Variants in RXRA observed in about 807,000 individuals in gnomAD.
The protein encoded by RXRA is retinoic acid receptor RXR-alpha.
Under a neutral mutation model 44.5 loss-of-function variants are expected in RXRA, and 5 were observed. The ratio of observed to expected loss-of-function variants is 0.11; its 90% CI spans 0.06 to 0.24. RXRA has a LOEUF of 0.24. Among genes scored for constraint, RXRA ranks in the 10% least tolerant of loss-of-function variants. The pLI, the probability that RXRA is intolerant of heterozygous loss-of-function variation, is 1.00. For missense variants in RXRA, 412 were observed against 646.5 expected, an observed-to-expected ratio of 0.64 and a Z score of 3.93; for synonymous variants, 291 against 271.4, an observed-to-expected ratio of 1.07 and a Z score of -0.71.
intron 9 of RXRA, among the ~76,000 whole-genome samples, chr9:134,435,162 A>G (rs1831596917): frequency 6.6e-6 from 1 of 152,232 alleles, no homozygotes; most frequent in Admixed American, 6.5e-5. Flanking sequence ...AGCCAACCAC[A>G]GAGCTTTTCC....
chr9:134,328,271 C>G (rs546298308), intron 1 of RXRA, among the ~76,000 whole-genome samples: 11 of 152,314 alleles, frequency 7.2e-5, no homozygotes, highest in African/African-American at 2.4e-4. Flanking sequence ...GCTGGTTGCA[C>G]TTCAGCTGAG....
chr9:134,338,807 A>C (rs553158719), intron 1 of RXRA, among the ~76,000 whole-genome samples: 6 of 152,320 alleles, frequency 3.9e-5, no homozygotes, highest in African/African-American at 1.4e-4. Context: ...GGGAGCGAGC[A>C]GGCCTCTGTT....
At chr9:134,425,870 G>T (rs1363660444) in intron 6 of RXRA, 18 of 985,112 alleles carry the variant, frequency 1.8e-5, no homozygotes, top group Non-Finnish European at 2.2e-5. Flanking sequence ...CAGACCACCA[G>T]GAGTCGGTGT....
Position 134,433,983 on chromosome 9 carries a change from C to T in RXRA, c.1136-119C>T, listed in dbSNP as rs1375157394. The stretch of plus-strand genomic sequence containing the variant: ...AGGCATGTCCAGCGGCATTCCTCCA[C>T]CACCTGCTCTGCCCATGGTGGGGCA... On this transcript the variant is annotated intron_variant, in intron 8 of 9. Coordinates refer to ENST00000481739, the MANE Select transcript of RXRA (RefSeq NM_002957.6). This position sits in a 1 kb window ranked among gnomAD's most constrained non-coding sequence, Gnocchi z 4.2. 4 of 692,176 alleles carry T rather than the reference C, an allele frequency of 5.8e-6. No individual in the cohort carries two copies. The highest frequency in any genetic ancestry group is 9.8e-6 in the Non-Finnish European group (4 of 406,754). 42.9% of individuals were successfully genotyped at this position (692,176 alleles called of 1,614,324 possible). A position where few individuals can be genotyped will look rare whatever the true frequency, so the allele number is the denominator to read the frequency against.
chr9:134,340,995 G>A (rs980039479), intron 1 of RXRA, among the ~76,000 whole-genome samples: 8 of 152,346 alleles, frequency 5.3e-5, no homozygotes, highest in African/African-American at 1.7e-4. Flanking sequence ...CTGGCAAGCG[G>A]GGCGAGCTGA....
chr9:134,386,271 C>T (rs987622446), intron 1 of RXRA, among the ~76,000 whole-genome samples: 10 of 152,224 alleles, frequency 6.6e-5, no homozygotes, highest in Non-Finnish European at 1.5e-4. Flanking sequence ...GGCCAGCGGC[C>T]GATGGGGCCG....
chr9:134,395,898 G>A (rs1408085546), intron 1 of RXRA, among the ~76,000 whole-genome samples: 1 of 152,252 alleles, frequency 6.6e-6, no homozygotes, highest in East Asian at 1.9e-4. Context: ...TCCAGCCTGG[G>A]CCACCTGAGC....
chr9:134,344,539 T>G (rs528317787), intron 1 of RXRA, among the ~76,000 whole-genome samples: 174 of 152,180 alleles, frequency 1.1e-3, no homozygotes, highest in Middle Eastern at 3.4e-3. Flanking sequence ...TTCCTTTCTC[T>G]GGGGGCTCCC....
chr9:134,340,229 G>T (rs1298806169), intron 1 of RXRA, among the ~76,000 whole-genome samples: 2 of 152,192 alleles, frequency 1.3e-5, no homozygotes, highest in Non-Finnish European at 2.9e-5. Context: ...CGTGCTGTCC[G>T]GCTCCCTCCT....
At chr9:134,355,679 G>A (rs1830274721) in intron 1 of RXRA, among the ~76,000 whole-genome samples, 1 of 152,124 alleles carries the variant, frequency 6.6e-6, no homozygotes, top group Non-Finnish European at 1.5e-5. Flanking sequence ...GGGGAGCTGT[G>A]TGCACCCCCG....
intron 1 of RXRA, among the ~76,000 whole-genome samples, chr9:134,332,219 C>T (rs1334215823): frequency 3.9e-5 from 6 of 152,234 alleles, no homozygotes; most frequent in African/African-American, 1.4e-4. Context: ...TTGCCCACCT[C>T]CTCATGCCAC....
intron 1 of RXRA, among the ~76,000 whole-genome samples, chr9:134,396,612 C>G (rs1331595989): frequency 1.3e-5 from 2 of 152,124 alleles, no homozygotes; most frequent in African/African-American, 4.8e-5. Flanking sequence ...GCTGGTTTAC[C>G]CAGTGGGCTT....
chr9:134,429,164 G>A lies in RXRA; in HGVS notation c.967G>A (p.Gly323Arg). 4 of 1,613,106 alleles carry A rather than the reference G, an allele frequency of 2.5e-6. No homozygotes were observed. Among genetic ancestry groups the A allele is most frequent in the East Asian group, 2.2e-5 (1 of 44,866 alleles). ...FSHRSIAVKD[G>R]ILLATGLHVH... ...CCACCGCTCCATCGCCGTGAAGGAC[G>A]GGATCCTCCTGGCCACCGGGCTGCA... The change falls in exon 7 of 10, where the codon GGG becomes AGG. Residue 323 changes from glycine to arginine, a missense_variant. Gly to Arg is a moderately radical substitution (Grantham distance 125). This residue lies in a region of RXRA where 141 missense variants were observed against 270.8 expected (regional missense o/e 0.52). Transcript: ENST00000481739.
intron 1 of RXRA, among the ~76,000 whole-genome samples, chr9:134,369,548 G>A (rs756044996): frequency 5.9e-5 from 9 of 151,616 alleles, no homozygotes; most frequent in African/African-American, 2.2e-4. Flanking sequence ...GTTGGAGATC[G>A]CAGCTGTTGT....
At chr9:134,380,362 C>G (rs536248921) in intron 1 of RXRA, among the ~76,000 whole-genome samples, 2 of 152,134 alleles carry the variant, frequency 1.3e-5, no homozygotes, top group South Asian at 4.2e-4. Context: ...GAACCTGGGT[C>G]AGGAGCCAGG....
At position 134,395,353 on chromosome 9, in the gene RXRA, T is replaced by A. The variant is rs534134665; in HGVS notation, c.29-6279T>A. Among the ~76,000 whole-genome samples, 3 of 152,250 alleles carry A rather than the reference T, an allele frequency of 2.0e-5. No homozygotes were observed. In the East Asian group the frequency reaches 5.8e-4, roughly 29 times the overall value. On this transcript the variant is annotated intron_variant, in intron 1 of 9. Coordinates refer to ENST00000481739, the MANE Select transcript of RXRA (RefSeq NM_002957.6). ...TCCCTCCTGGCCCACTGGCCGGCCA[T>A]GGGGGGCTGATCATGGAAGGGCCCG... is the stretch of plus-strand genomic sequence containing the variant.
Position 134,426,564 on chromosome 9 carries a change from C to G in RXRA, c.911-2544C>G, listed in dbSNP as rs1048656540. ...GTGTCTGGGCTCCTGACCTGTATCC[C>G]GTGCTGAGGGCCGCACCTCGGCTCA... On this transcript the variant is annotated intron_variant, in intron 6 of 9. Coordinates refer to ENST00000481739, the MANE Select transcript of RXRA (RefSeq NM_002957.6). The surrounding 1 kb of genome is among the most constrained non-coding windows in gnomAD (Gnocchi z 4.6). The G allele has an allele frequency of 2.4e-5, 24 of 985,328 alleles. No homozygotes were observed. Among genetic ancestry groups the G allele is most frequent in the Non-Finnish European group, 2.9e-5 (24 of 829,950 alleles). The allele number at this position is 985,328 out of a possible 1,614,324, so 61.0% of individuals were successfully genotyped here. A position where few individuals can be genotyped will look rare whatever the true frequency, so the allele number is the denominator to read the frequency against.
At position 134,408,146 on chromosome 9, in the gene RXRA, C is replaced by A; in HGVS notation, c.280-3C>A. 5 of 1,547,922 alleles carry A rather than the reference C, an allele frequency of 3.2e-6. No homozygotes were observed. Among genetic ancestry groups the A allele is most frequent in the Non-Finnish European group, 2.6e-6 (3 of 1,149,610 alleles). ...CGCTGACTGCTGTGGTTGCCCCCCC[C>A]AGCTCAGCTCACCTATGAACCCCGT... On this transcript the variant is annotated splice_polypyrimidine_tract_variant and splice_region_variant and intron_variant, in intron 2 of 9. Transcript: ENST00000481739.
Position 134,415,166 on chromosome 9 carries a change from C to T in RXRA, c.611-1992C>T, listed in dbSNP as rs549579809. On this transcript the variant is annotated intron_variant, in intron 4 of 9. Coordinates refer to ENST00000481739, the MANE Select transcript of RXRA (RefSeq NM_002957.6). ...CCCCGCCTGAGTCTCCCTGTGTGGG[C>T]GGAAGTCCCTCGCTCAAGCCAGTGG... 8.5e-5 allele frequency among the ~76,000 whole-genome samples: 13 copies of T among 152,322 alleles called. No individual in the cohort carries two copies. The East Asian group carries it at 1.5e-3, about 18-fold the overall frequency.
Sources: gnomAD v4.1 joint callset for allele counts (sites outside exome capture counted in the v4.1 genomes callset) on GRCh38, gnomAD v4.1.1 for gene constraint, gnomAD v4.1.1 regional missense constraint, Gnocchi (gnomAD v3.1) non-coding constraint, MANE v1.5 for transcripts, NCBI Gene and HGNC (gene_info 2026-07-23, HGNC 2026-07-21) for gene names.